MAD1L1: variants seen among roughly 807,000 people sequenced by gnomAD.
The protein encoded by MAD1L1 is mitotic spindle assembly checkpoint protein MAD1.
MAD1L1 carries 95 observed loss-of-function variants against 96.9 expected under a neutral mutation model. The observed-to-expected ratio is 0.98, with a 90% CI of 0.83 to 1.16. The LOEUF (loss-of-function observed/expected upper bound fraction) is 1.16. Ranked by LOEUF, MAD1L1 falls within the 50% of genes most tolerant of loss-of-function variation. MAD1L1 has a pLI of 0.00. For missense variants in MAD1L1, 1,007 were observed against 954.4 expected, an observed-to-expected ratio of 1.06 and a Z score of -0.73; for synonymous variants, 473 against 396.6, an observed-to-expected ratio of 1.19 and a Z score of -2.29.
At chr7:2,207,891 G>T (rs566652658) in intron 10 of MAD1L1, among the ~76,000 whole-genome samples, 1 of 152,254 alleles carries the variant, frequency 6.6e-6, no homozygotes, top group East Asian at 1.9e-4. Context: ...GTGGGACTGG[G>T]CCCTGACCCA....
intron 12 of MAD1L1, among the ~76,000 whole-genome samples, chr7:2,028,670 ACT>A (rs755681296): frequency 2.0e-5 from 3 of 152,062 alleles, no homozygotes; most frequent in Non-Finnish European, 4.4e-5. Flanking sequence ...AGGTAACGAG[ACT>A]CTAACATTCT....
At chr7:1,911,364 G>A (rs919657126) in intron 17 of MAD1L1, among the ~76,000 whole-genome samples, 10 of 152,108 alleles carry the variant, frequency 6.6e-5, no homozygotes, top group African/African-American at 2.2e-4. Flanking sequence ...GCCCAGCTTC[G>A]GAAGGGGAGC....
intron 11 of MAD1L1, among the ~76,000 whole-genome samples, chr7:2,089,620 C>T (rs1023828562): frequency 6.6e-6 from 1 of 151,644 alleles, no homozygotes; most frequent in African/African-American, 2.4e-5. Context: ...CCACCCATCA[C>T]GTGCATCGTG....
At chr7:1,921,387 T>C (rs563371520) in intron 17 of MAD1L1, among the ~76,000 whole-genome samples, 321 of 152,204 alleles carry the variant, frequency 2.1e-3, no homozygotes, top group Admixed American at 6.0e-3. Flanking sequence ...GGTGTGATTT[T>C]GGCTTACTGC....
intron 10 of MAD1L1, among the ~76,000 whole-genome samples, chr7:2,189,158 CA>C (rs908594766): frequency 4.1e-4 from 61 of 149,034 alleles, no homozygotes; most frequent in African/African-American, 1.3e-3. Context: ...TGGCTACCAC[CA>C]AAAAAAAAAT....
chr7:2,007,986 TA>T (rs1294430751), intron 13 of MAD1L1, among the ~76,000 whole-genome samples: 1 of 152,228 alleles, frequency 6.6e-6, no homozygotes, highest in Non-Finnish European at 1.5e-5. Flanking sequence ...GGACTCTGTT[TA>T]CGTGAAGTTC....
At chr7:2,151,059 G>A (rs945599331) in intron 10 of MAD1L1, among the ~76,000 whole-genome samples, 3 of 152,340 alleles carry the variant, frequency 2.0e-5, no homozygotes, top group South Asian at 2.1e-4. Context: ...CTTGAACGCC[G>A]TGACCATTCT....
intron 3 of MAD1L1, among the ~76,000 whole-genome samples, chr7:2,229,092 C>A (rs1172109722): frequency 6.6e-6 from 1 of 152,188 alleles, no homozygotes; most frequent in African/African-American, 2.4e-5. Context: ...CAAATGCACA[C>A]GCACACACAG....
intron 18 of MAD1L1, among the ~76,000 whole-genome samples, chr7:1,871,597 C>A (rs1330688869): frequency 2.0e-5 from 3 of 147,214 alleles, no homozygotes; most frequent in Non-Finnish European, 4.5e-5. Flanking sequence ...ACCGTAACAC[C>A]TGCCACGCCG....
intron 15 of MAD1L1, among the ~76,000 whole-genome samples, chr7:1,972,344 C>T (rs946528589): frequency 6.6e-6 from 1 of 152,198 alleles, no homozygotes; most frequent in African/African-American, 2.4e-5. Flanking sequence ...GGATATCCTT[C>T]GCATCTTTAT....
At chr7:1,831,491 A>AG (rs1782702447) in intron 18 of MAD1L1, among the ~76,000 whole-genome samples, 1 of 152,220 alleles carries the variant, frequency 6.6e-6, no homozygotes, top group African/African-American at 2.4e-5. Context: ...AATGGCTTCT[A>AG]GGTGTTCAAG....
intron 10 of MAD1L1, among the ~76,000 whole-genome samples, chr7:2,166,392 C>T (rs1336092350): frequency 6.6e-6 from 1 of 152,194 alleles, no homozygotes; most frequent in Non-Finnish European, 1.5e-5. Context: ...TTCAAAGCAG[C>T]CTGGGTTCCA....
At chr7:1,911,013 T>C (rs575718130) in intron 17 of MAD1L1, among the ~76,000 whole-genome samples, 3 of 152,290 alleles carry the variant, frequency 2.0e-5, no homozygotes, top group East Asian at 1.9e-4. Context: ...TCCTTTCAAG[T>C]GGCCTCAGCT....
At chr7:1,820,443 A>C (rs1244639293) in intron 18 of MAD1L1, among the ~76,000 whole-genome samples, 1 of 152,038 alleles carries the variant, frequency 6.6e-6, no homozygotes, top group African/African-American at 2.4e-5. Flanking sequence ...AACAAAAGTT[A>C]TTAAAACCAA....
intron 10 of MAD1L1, among the ~76,000 whole-genome samples, chr7:2,184,828 C>A (rs1193408342): frequency 2.6e-5 from 4 of 151,788 alleles, no homozygotes. Flanking sequence ...ATGGTGAAAC[C>A]CTGTCTCTAC....
chr7:1,871,066 C>T (rs1363575894), intron 18 of MAD1L1, among the ~76,000 whole-genome samples: 4 of 147,406 alleles, frequency 2.7e-5, no homozygotes, highest in African/African-American at 1.0e-4. Flanking sequence ...GTAACACCTG[C>T]CATGCTGAAC....
At chr7:1,834,977 G>T (rs1273784050) in intron 18 of MAD1L1, among the ~76,000 whole-genome samples, 1 of 152,142 alleles carries the variant, frequency 6.6e-6, no homozygotes, top group Non-Finnish European at 1.5e-5. Flanking sequence ...ACTAAGTGGG[G>T]TTTATCCTAA....
At chr7:1,920,848 T>G (rs986008964) in intron 17 of MAD1L1, among the ~76,000 whole-genome samples, 1 of 152,182 alleles carries the variant, frequency 6.6e-6, no homozygotes, top group Non-Finnish European at 1.5e-5. Context: ...GTGTATCCAT[T>G]TAAAAACCGA....
chr7:1,906,257 C>T (rs997605144), intron 17 of MAD1L1, among the ~76,000 whole-genome samples: 3 of 152,152 alleles, frequency 2.0e-5, no homozygotes, highest in South Asian at 2.1e-4. Flanking sequence ...AGGCTGGCCT[C>T]GGTTGTGTAT....
Sources: allele counts gnomAD v4.1 joint callset (sites outside exome capture counted in the v4.1 genomes callset), GRCh38; gene constraint gnomAD v4.1.1; transcripts MANE v1.5; gene names NCBI Gene and HGNC (gene_info 2026-07-23, HGNC 2026-07-21).